The following HDAC8 variants were observed in gnomAD, a reference collection of about 807,000 sequenced individuals.
The protein encoded by HDAC8 is histone deacetylase-like 1.
In HDAC8, 1 loss-of-function variant was observed where a neutral mutation model predicts 32.2. The ratio of observed to expected loss-of-function variants is 0.03; its 90% confidence interval spans 0.01 to 0.15. HDAC8 has a LOEUF of 0.15. HDAC8 is among the 10% of genes least tolerant of loss of function. The pLI, the probability that HDAC8 is intolerant of heterozygous loss-of-function variation, is 1.00. For missense variants in HDAC8, 117 were observed against 300.0 expected (o/e 0.39, Z 4.51); for synonymous variants, 108 against 113.9 (o/e 0.95, Z 0.33).
chrX:72,365,442 T>C (rs1190780679), intron 9 of HDAC8, among the ~76,000 whole-genome samples: 1 of 111,094 alleles, frequency 9.0e-6, no homozygotes, highest in Admixed American at 9.6e-5. Flanking sequence ...ATGTCAGAGG[T>C]AAGTCATTTC....
rs577424263 is a variant in HDAC8 at position 72,472,356 on chromosome X, C to T, written c.738-7625G>A. Among the ~76,000 whole-genome samples the T allele has an allele frequency of 2.0e-4, 22 of 111,869 alleles. No homozygotes were observed. In the South Asian group the frequency reaches 7.1e-3, roughly 36 times the overall value. On this transcript the variant is annotated intron_variant, in intron 7 of 10. Transcript: ENST00000373573. ...TGCTGGGATTACAGGCGTGAGCCAC[C>T]GCGCCCGGCCCAACTTTATTCTTTT...
chrX:72,474,879 G>A, intron 7 of HDAC8: 1 of 409,667 alleles, frequency 2.4e-6, no homozygotes, highest in Non-Finnish European at 4.3e-6. Context: ...ATCTTTCACT[G>A]GTGCTTCTTT....
intron 4 of HDAC8, among the ~76,000 whole-genome samples, chrX:72,516,402 G>GT (rs1191649341): frequency 6.5e-4 from 67 of 103,106 alleles, no homozygotes; most frequent in Admixed American, 1.6e-3. Context: ...TCTGATTCTT[G>GT]TTTTTTTTTT....
chrX:72,439,540 C>T (rs932070359), intron 9 of HDAC8, among the ~76,000 whole-genome samples: 16 of 108,331 alleles, frequency 1.5e-4, no homozygotes, highest in African/African-American at 5.1e-4. Flanking sequence ...AGAGTCAAGA[C>T]CCATTGGTGT....
At chrX:72,440,615 G>A (rs1440154600) in intron 9 of HDAC8, among the ~76,000 whole-genome samples, 2 of 111,920 alleles carry the variant, frequency 1.8e-5, no homozygotes, top group African/African-American at 3.2e-5. Flanking sequence ...CGCAGAAGAC[G>A]GGTGATTTCT....
chrX:72,369,870 C>T (rs914906812), intron 9 of HDAC8, among the ~76,000 whole-genome samples: 1 of 112,976 alleles, frequency 8.9e-6, no homozygotes. Flanking sequence ...ACTGTAATTA[C>T]GATGACATTT....
chrX:72,516,442 C>T (rs1737548901), intron 4 of HDAC8, among the ~76,000 whole-genome samples: 1 of 110,116 alleles, frequency 9.1e-6, no homozygotes, highest in African/African-American at 3.3e-5. Flanking sequence ...TAATTGTTTA[C>T]AGCAAAGCAG....
intron 9 of HDAC8, among the ~76,000 whole-genome samples, chrX:72,359,403 G>A (rs975356580): frequency 1.8e-5 from 2 of 111,462 alleles, no homozygotes; most frequent in Non-Finnish European, 3.8e-5. Context: ...CCAGTAGGGC[G>A]AATTAGGTTC....
chrX:72,469,404 C>T (rs1602994032), intron 7 of HDAC8, among the ~76,000 whole-genome samples: 4 of 112,446 alleles, frequency 3.6e-5, no homozygotes, highest in African/African-American at 1.3e-4. Context: ...GCGATCCTCC[C>T]ACCTTGGCCT....
intron 9 of HDAC8, among the ~76,000 whole-genome samples, chrX:72,403,161 G>A (rs184960081): frequency 2.1e-4 from 23 of 111,211 alleles, no homozygotes; most frequent in Middle Eastern, 4.6e-3. Flanking sequence ...TGTTGTTATC[G>A]ATATGTTTGG....
intron 5 of HDAC8, 33 bp downstream of exon 5, chrX:72,495,123 G>T: frequency 9.8e-7 from 1 of 1,021,781 alleles, no homozygotes; most frequent in South Asian, 2.0e-5. Context: ...TGCTGTCCTC[G>T]CAGCAAAGCA....
chrX:72,341,983 T>C (rs782750100), intron 10 of HDAC8, among the ~76,000 whole-genome samples: 1 of 112,243 alleles, frequency 8.9e-6, no homozygotes, highest in South Asian at 3.7e-4. Context: ...CACTCAATTA[T>C]GCTCTTCGGG....
chrX:72,527,928 A>G (rs1875938465), intron 4 of HDAC8, among the ~76,000 whole-genome samples: 1 of 109,484 alleles, frequency 9.1e-6, no homozygotes, highest in Non-Finnish European at 1.9e-5. Context: ...GGTGTGCACC[A>G]CCATGCCCGG....
chrX:72,411,590 C>G (rs955711319), intron 9 of HDAC8, among the ~76,000 whole-genome samples: 9 of 111,464 alleles, frequency 8.1e-5, no homozygotes, highest in Non-Finnish European at 1.3e-4. Flanking sequence ...TAGTATCCAG[C>G]AAATAGTGAG....
intron 9 of HDAC8, among the ~76,000 whole-genome samples, chrX:72,444,469 T>A (rs1464086449): frequency 2.7e-5 from 3 of 111,303 alleles, no homozygotes; most frequent in African/African-American, 9.8e-5. Context: ...AGAAAAGGCC[T>A]TTGACATAAT....
chrX:72,477,803 C>T (rs2048380093), intron 7 of HDAC8, among the ~76,000 whole-genome samples: 1 of 112,516 alleles, frequency 8.9e-6, no homozygotes, highest in Non-Finnish European at 1.9e-5. Context: ...GTTAAACATG[C>T]CTATGTTAGA....
rs1398388205 is a variant in HDAC8, at chrX:72,342,534, T to C, written c.1111+9199A>G. Among the ~76,000 whole-genome samples, 4 of 112,669 alleles carry C rather than the reference T, an allele frequency of 3.6e-5. No homozygotes were observed. In the Admixed American group the frequency reaches 3.8e-4, roughly 11 times the overall value. On this transcript the variant is annotated intron_variant, in intron 10 of 10. Coordinates refer to ENST00000373573, the MANE Select transcript of HDAC8 (RefSeq NM_018486.3). ...ATTCCAAAACCCTGAGTGGTTTACC[T>C]TATTTTTCCTAATAATTTCCAACCT...
chrX:72,488,710 T>C (rs1569338143), intron 7 of HDAC8, among the ~76,000 whole-genome samples: 1 of 111,688 alleles, frequency 9.0e-6, no homozygotes, highest in Non-Finnish European at 1.9e-5. Flanking sequence ...CTTAATCATA[T>C]TGAGTAAGAT....
chrX:72,464,354 C>A, intron 8 of HDAC8: 1 of 429,710 alleles, frequency 2.3e-6, no homozygotes, highest in Admixed American at 3.8e-5. Flanking sequence ...GCCAAGAAGT[C>A]AATGCACATG....
Sources: allele counts gnomAD v4.1 joint callset (sites outside exome capture counted in the v4.1 genomes callset), GRCh38; gene constraint gnomAD v4.1.1; transcripts MANE v1.5; gene names NCBI Gene and HGNC (gene_info 2026-07-23, HGNC 2026-07-21).